Variants in CLEC16A observed in about 807,000 individuals in gnomAD.
CLEC16A encodes protein CLEC16A.
A neutral mutation model predicts 109.5 loss-of-function variants in CLEC16A; 51 were observed. The ratio of observed to expected loss-of-function variants is 0.47; its 90% CI spans 0.37 to 0.59. CLEC16A has a LOEUF of 0.59. CLEC16A is among the 20% of genes least tolerant of loss of function. CLEC16A has a pLI of 0.00. For synonymous variants in CLEC16A, 673 were observed against 564.2 expected, an observed-to-expected ratio of 1.19 and a Z score of -2.73; for missense variants, 1,339 against 1,394.0, an observed-to-expected ratio of 0.96 and a Z score of 0.63.
intron 7 of CLEC16A, among the ~76,000 whole-genome samples, chr16:10,973,491 G>A (rs190893469): frequency 2.0e-5 from 3 of 152,308 alleles, no homozygotes; most frequent in Admixed American, 1.3e-4. Context: ...GAATCTATAG[G>A]GGCAGAAAGT....
intron 19 of CLEC16A, among the ~76,000 whole-genome samples, chr16:11,082,873 G>A (rs566359079): frequency 1.3e-5 from 2 of 152,160 alleles, no homozygotes; most frequent in Non-Finnish European, 2.9e-5. Context: ...AATTGTGGGA[G>A]CCCAGCTGTG....
chr16:11,127,118 A>T (rs1409468506), intron 22 of CLEC16A, among the ~76,000 whole-genome samples: 1 of 152,196 alleles, frequency 6.6e-6, no homozygotes, highest in African/African-American at 2.4e-5. Context: ...AGAAGTAACT[A>T]TTGTTAACAG....
At chr16:11,053,409 C>G (rs1022534348) in intron 18 of CLEC16A, among the ~76,000 whole-genome samples, 1 of 151,816 alleles carries the variant, frequency 6.6e-6, no homozygotes, top group African/African-American at 2.4e-5. Context: ...GCTCTGTCAC[C>G]CAGGTTGGAG....
chr16:11,116,508 G>A (rs955060087), intron 19 of CLEC16A, among the ~76,000 whole-genome samples: 7 of 152,268 alleles, frequency 4.6e-5, no homozygotes, highest in Non-Finnish European at 1.0e-4. Flanking sequence ...AGAATAGAGG[G>A]AAACACGAGG....
At chr16:10,952,532 A>G (rs1244593682) in intron 1 of CLEC16A, among the ~76,000 whole-genome samples, 1 of 152,224 alleles carries the variant, frequency 6.6e-6, no homozygotes, top group Non-Finnish European at 1.5e-5. Context: ...TAAAATGTTT[A>G]TATCTCTGAG....
At chr16:10,977,802 C>A (rs1259162078) in intron 8 of CLEC16A, among the ~76,000 whole-genome samples, 1 of 152,142 alleles carries the variant, frequency 6.6e-6, no homozygotes, top group African/African-American at 2.4e-5. Context: ...ATGGCCAGAA[C>A]TGAGGTTTTG....
At chr16:10,981,957 T>A (rs1010810438) in intron 9 of CLEC16A, among the ~76,000 whole-genome samples, 1 of 152,226 alleles carries the variant, frequency 6.6e-6, no homozygotes, top group Non-Finnish European at 1.5e-5. Flanking sequence ...GCCTGCAGTG[T>A]CTGGGACAGC....
chr16:11,019,523 C>G (rs2045967654), intron 11 of CLEC16A, among the ~76,000 whole-genome samples: 1 of 152,178 alleles, frequency 6.6e-6, no homozygotes. Flanking sequence ...AATCCCAACA[C>G]TTTGGGAGGC....
At chr16:11,157,882 G>A (rs1025123340) in intron 22 of CLEC16A, among the ~76,000 whole-genome samples, 11 of 152,100 alleles carry the variant, frequency 7.2e-5, no homozygotes, top group Admixed American at 3.9e-4. Flanking sequence ...GCCTGCCCTC[G>A]GGTATTGCTG....
chr16:11,172,683 G>A (rs1333281825), intron 23 of CLEC16A, among the ~76,000 whole-genome samples: 1 of 152,150 alleles, frequency 6.6e-6, no homozygotes, highest in African/African-American at 2.4e-5. Flanking sequence ...GAGGTCAGGA[G>A]TTCGAGACCA....
At chr16:11,070,286 G>T (rs1291491690) in intron 19 of CLEC16A, among the ~76,000 whole-genome samples, 2 of 151,984 alleles carry the variant, frequency 1.3e-5, no homozygotes, top group Non-Finnish European at 1.5e-5. Flanking sequence ...TAGCCAGGAT[G>T]GTCACGATCT....
intron 11 of CLEC16A, among the ~76,000 whole-genome samples, chr16:11,005,041 A>G (rs775118082): frequency 3.3e-5 from 5 of 152,180 alleles, no homozygotes; most frequent in Admixed American, 1.3e-4. Flanking sequence ...AGAAATGGAC[A>G]TCTTCACCTC....
At chr16:11,094,334 A>G (rs1023985935) in intron 19 of CLEC16A, among the ~76,000 whole-genome samples, 6 of 152,224 alleles carry the variant, frequency 3.9e-5, no homozygotes, top group Non-Finnish European at 7.3e-5. Flanking sequence ...GGGCAGGCCG[A>G]GCCTGATAAG....
intron 20 of CLEC16A, among the ~76,000 whole-genome samples, chr16:11,121,460 C>G (rs1259929760): frequency 6.6e-6 from 1 of 152,184 alleles, no homozygotes; most frequent in Non-Finnish European, 1.5e-5. Flanking sequence ...ATGATTGTTG[C>G]CACTGGCATT....
intron 19 of CLEC16A, among the ~76,000 whole-genome samples, chr16:11,072,629 T>C (rs556806333): frequency 6.6e-6 from 1 of 152,296 alleles, no homozygotes; most frequent in East Asian, 1.9e-4. Context: ...TCTCTGAGCC[T>C]TTCTTCCTCA....
intron 8 of CLEC16A, among the ~76,000 whole-genome samples, chr16:10,978,047 C>T (rs79219941): frequency 0.011 from 1,659 of 152,314 alleles, 14 homozygotes; most frequent in Non-Finnish European, 0.018. Flanking sequence ...GTTGCCAGAA[C>T]CCACTGATTT....
Position 11,055,797 on chromosome 16 carries a change from C to T in CLEC16A, c.1995+4156C>T, listed in dbSNP as rs76658434. On this transcript the variant is annotated intron_variant, in intron 18 of 23. Coordinates refer to ENST00000409790, the MANE Select transcript of CLEC16A (RefSeq NM_015226.3). Reference sequence around the variant, plus strand: ...GACTGGGTTTCCCCAGTCTGTTGGCCAGGCTGCTCCCAAACTCCTGAACTC... The same window carrying T: ...GACTGGGTTTCCCCAGTCTGTTGGCTAGGCTGCTCCCAAACTCCTGAACTC... Among the ~76,000 whole-genome samples, 167 of 151,766 alleles carry T rather than the reference C, an allele frequency of 1.1e-3. 3 individuals carry two copies. In the East Asian group the frequency reaches 0.029, roughly 27 times the overall value.
chr16:10,968,423 G>A (rs1020055010), intron 3 of CLEC16A, among the ~76,000 whole-genome samples: 2 of 152,212 alleles, frequency 1.3e-5, no homozygotes, highest in African/African-American at 4.8e-5. Flanking sequence ...GCTGGGAGCT[G>A]GGGAATGGGG....
In CLEC16A at chr16:11,174,099, C is replaced by T. The variant is rs1334107204; in HGVS notation, c.2807-4236C>T. 5 of 448,462 alleles carry T rather than the reference C, an allele frequency of 1.1e-5. No individual in the cohort carries two copies. In the East Asian group the frequency reaches 2.9e-4, roughly 26 times the overall value. 27.8% of individuals were successfully genotyped at this position (448,462 alleles called of 1,614,324 possible). ...GCTCAGTGTCCCCTCCATGTCGCCT[C>T]TGCCGTCCCATTGTTAAAGGCTTTC... On this transcript the variant is annotated intron_variant, in intron 23 of 23. Coordinates refer to ENST00000409790, the MANE Select transcript of CLEC16A (RefSeq NM_015226.3). This position sits in a 1 kb window ranked among gnomAD's most constrained non-coding sequence, Gnocchi z 4.7.
Sources: gnomAD v4.1 joint callset for allele counts (sites outside exome capture counted in the v4.1 genomes callset) on GRCh38, gnomAD v4.1.1 for gene constraint, Gnocchi (gnomAD v3.1) non-coding constraint, MANE v1.5 for transcripts, NCBI Gene and HGNC (gene_info 2026-07-23, HGNC 2026-07-21) for gene names.